REDIC1: variants seen among roughly 807,000 people sequenced by gnomAD.
The protein encoded by REDIC1 is regulator of DNA class I crossover intermediates 1, also known as HEI10 Interacting Protein 1.
chr12:39,867,412 A>G, the REDIC1 span, among the ~76,000 whole-genome samples: 3 of 152,246 alleles, frequency 2.0e-5, no homozygotes, highest in African/African-American at 4.8e-5. Flanking sequence ...GGTTGAATGG[A>G]TGGGCCACCA....
chr12:39,626,393 A>G, the REDIC1 span: 3 of 1,613,692 alleles, frequency 1.9e-6, no homozygotes, highest in East Asian at 4.5e-5. Context: ...AGGCTGGGAC[A>G]TTCATTCCTA....
At chr12:39,842,293 T>C in the REDIC1 span, among the ~76,000 whole-genome samples, 1 of 152,216 alleles carries the variant, frequency 6.6e-6, no homozygotes, top group South Asian at 2.1e-4. Context: ...CCTGGTGAAG[T>C]ATGCAGGAGC....
chr12:39,892,460 A>G, the REDIC1 span, among the ~76,000 whole-genome samples: 2 of 152,196 alleles, frequency 1.3e-5, no homozygotes, highest in South Asian at 4.1e-4. Context: ...TTATGATTTT[A>G]TCATTGTGAC....
chr12:39,839,784 T>C, the REDIC1 span, among the ~76,000 whole-genome samples: 78 of 152,214 alleles, frequency 5.1e-4, no homozygotes, highest in Non-Finnish European at 7.8e-4. Context: ...TTCTTTCCTT[T>C]GTTTCTCTTC....
chr12:39,895,916 G>GCACA, the REDIC1 span, among the ~76,000 whole-genome samples: 30 of 148,738 alleles, frequency 2.0e-4, no homozygotes, highest in African/African-American at 7.1e-4. Context: ...GTATATGTAT[G>GCACA]CATATATGTG....
chr12:39,626,239 G>A, the REDIC1 span: 1 of 1,377,686 alleles, frequency 7.3e-7, no homozygotes, highest in Non-Finnish European at 1.0e-6. Context: ...GACGTTGTCA[G>A]GAGGCCCTGG....
the REDIC1 span, among the ~76,000 whole-genome samples, chr12:39,753,328 C>T: frequency 6.7e-6 from 1 of 150,280 alleles, no homozygotes; most frequent in Non-Finnish European, 1.5e-5. Flanking sequence ...TTGTTTGAAT[C>T]AGGTTTCAAA....
the REDIC1 span, among the ~76,000 whole-genome samples, chr12:39,712,674 T>G: frequency 7.0e-6 from 1 of 143,680 alleles, no homozygotes; most frequent in Non-Finnish European, 1.5e-5. Context: ...TATACATGTG[T>G]ATATATGTAT....
At chr12:39,811,126 T>C in the REDIC1 span, among the ~76,000 whole-genome samples, 1 of 152,096 alleles carries the variant, frequency 6.6e-6, no homozygotes, top group Non-Finnish European at 1.5e-5. Context: ...TGGAAATATG[T>C]GTCACCAGGA....
the REDIC1 span, among the ~76,000 whole-genome samples, chr12:39,653,492 G>GTCTTCTTCTTCTTCTTCTTCT: frequency 1.1e-3 from 62 of 54,332 alleles, 3 homozygotes; most frequent in South Asian, 4.4e-3. Flanking sequence ...CAATCTGGAT[G>GTCTTCTTCTTCTTCTTCTTCT]TCTTCTTCTT....
At chr12:39,892,377 T>A in the REDIC1 span, among the ~76,000 whole-genome samples, 3 of 152,208 alleles carry the variant, frequency 2.0e-5, no homozygotes, top group Non-Finnish European at 4.4e-5. Context: ...TTCTTGGAAC[T>A]GTCTGGCCCG....
At chr12:39,841,007 G>T in the REDIC1 span, among the ~76,000 whole-genome samples, 1 of 152,148 alleles carries the variant, frequency 6.6e-6, no homozygotes, top group South Asian at 2.1e-4. Context: ...ATCACACCAT[G>T]AATTGTTCCT....
chr12:39,732,474 A>G, the REDIC1 span, among the ~76,000 whole-genome samples: 1 of 152,156 alleles, frequency 6.6e-6, no homozygotes, highest in Non-Finnish European at 1.5e-5. Flanking sequence ...ATTGGTGTTC[A>G]ATGTCTAGAT....
At chr12:39,666,735 A>G in the REDIC1 span, among the ~76,000 whole-genome samples, 1 of 152,068 alleles carries the variant, frequency 6.6e-6, no homozygotes, top group African/African-American at 2.4e-5. Flanking sequence ...TTATTGCCTC[A>G]ATTTCAGAGC....
chr12:39,667,756 TG>T, the REDIC1 span, among the ~76,000 whole-genome samples: 8 of 152,232 alleles, frequency 5.3e-5, no homozygotes, highest in Admixed American at 5.2e-4. Flanking sequence ...GCTCCTGTAT[TG>T]GGTGCATATA....
At chr12:39,715,596 C>G in the REDIC1 span, among the ~76,000 whole-genome samples, 2 of 151,820 alleles carry the variant, frequency 1.3e-5, no homozygotes, top group Non-Finnish European at 2.9e-5. Context: ...TGTATGGAAC[C>G]GAAAAAGAGC....
At chr12:39,807,348 A>C in the REDIC1 span, among the ~76,000 whole-genome samples, 1 of 152,210 alleles carries the variant, frequency 6.6e-6, no homozygotes, top group Non-Finnish European at 1.5e-5. Flanking sequence ...TGCATAAGTA[A>C]AACGGAAAGT....
the REDIC1 span, among the ~76,000 whole-genome samples, chr12:39,711,168 C>T: frequency 6.6e-6 from 1 of 151,214 alleles, no homozygotes; most frequent in Non-Finnish European, 1.5e-5. Context: ...TGAGTTATTT[C>T]ACTTAGTCAC....
the REDIC1 span, among the ~76,000 whole-genome samples, chr12:39,807,251 G>A: frequency 6.6e-6 from 1 of 152,218 alleles, no homozygotes; most frequent in East Asian, 1.9e-4. Flanking sequence ...CACCACTAGG[G>A]ATCCCTGTGG....
Sources: gnomAD v4.1 joint callset for allele counts (sites outside exome capture counted in the v4.1 genomes callset) on GRCh38, gnomAD v4.1.1 for gene constraint, MANE v1.5 for transcripts, NCBI Gene and HGNC (gene_info 2026-07-23, HGNC 2026-07-21) for gene names.